Variants in BCAS3 observed in about 807,000 individuals in gnomAD.
The protein encoded by BCAS3 is BCAS4/BCAS3 fusion.
In BCAS3, 53 loss-of-function variants were observed where a neutral mutation model predicts 116.1. The observed-to-expected ratio is 0.46, with a 90% confidence interval of 0.37 to 0.57. BCAS3 has a LOEUF of 0.57. Ranked by LOEUF, BCAS3 falls within the 20% of genes least tolerant of loss-of-function variation. The probability of loss-of-function intolerance (pLI) is 0.00; values close to 1 mark genes in which losing one functional copy is unlikely to be tolerated. For synonymous variants in BCAS3, 391 were observed against 408.2 expected (o/e 0.96, Z 0.51); for missense variants, 917 against 1,165.4 (o/e 0.79, Z 3.10).
intron 8 of BCAS3, among the ~76,000 whole-genome samples, chr17:60,872,444 T>C (rs551760301): frequency 6.6e-6 from 1 of 151,278 alleles, no homozygotes; most frequent in East Asian, 1.9e-4. Context: ...TGTATGTATA[T>C]ATACACATAC....
intron 5 of BCAS3, among the ~76,000 whole-genome samples, chr17:60,743,345 G>C (rs1430860298): frequency 6.6e-6 from 1 of 151,990 alleles, no homozygotes; most frequent in African/African-American, 2.4e-5. Flanking sequence ...CTTGAGTTGG[G>C]ATTATGACTG....
At chr17:60,737,549 T>G (rs2041103748) in intron 5 of BCAS3, among the ~76,000 whole-genome samples, 1 of 152,104 alleles carries the variant, frequency 6.6e-6, no homozygotes, top group Admixed American at 6.5e-5. Flanking sequence ...GATTTCCCTC[T>G]ATGCACTGCT....
At chr17:61,163,728 T>A (rs1475271570) in intron 22 of BCAS3, among the ~76,000 whole-genome samples, 3 of 152,156 alleles carry the variant, frequency 2.0e-5, no homozygotes, top group Non-Finnish European at 4.4e-5. Context: ...GGCTCACGCC[T>A]GTAATCCCAG....
intron 14 of BCAS3, among the ~76,000 whole-genome samples, chr17:60,988,088 T>C (rs1173458665): frequency 6.6e-6 from 1 of 152,130 alleles, no homozygotes; most frequent in East Asian, 1.9e-4. Context: ...AATGATTATA[T>C]GGTTTTTATC....
chr17:60,705,395 A>G (rs1379887184), intron 4 of BCAS3, among the ~76,000 whole-genome samples: 1 of 151,856 alleles, frequency 6.6e-6, no homozygotes, highest in Non-Finnish European at 1.5e-5. Flanking sequence ...GGCGCCTGTA[A>G]TCCCAGCTAC....
chr17:61,183,578 G>A lies in BCAS3; in HGVS notation c.2425+99014G>A, dbSNP rs111410360. On this transcript the variant is annotated intron_variant, in intron 22 of 23. Transcript: ENST00000407086. ...CATGGTGCTAAAGTGCTATGTATCT[G>A]TTGTTCCTAAGCTTTATTTAGGTAA... Among the ~76,000 whole-genome samples, 135 of 152,270 alleles carry A rather than the reference G, an allele frequency of 8.9e-4. 1 individual carries two copies. Among genetic ancestry groups the A allele is most frequent in the South Asian group, 2.3e-3 (11 of 4,824 alleles).
chr17:61,068,703 T>A lies in BCAS3; in HGVS notation c.2030-6217T>A, dbSNP rs1254471990. Among the ~76,000 whole-genome samples, 1 of 152,192 alleles carries A rather than the reference T, an allele frequency of 6.6e-6. No individual in the cohort carries two copies. The highest frequency in any genetic ancestry group is 1.5e-5 in the Non-Finnish European group (1 of 68,042). On this transcript the variant is annotated intron_variant, in intron 19 of 23. Transcript: ENST00000407086. The surrounding 1 kb of genome is among the most constrained non-coding windows in gnomAD (Gnocchi z 4.3). Reference sequence around the variant, plus strand: ...TTCACCGCCATTGGTCCCTAAAACTTCTTCTGGGATTCTGTCGTTTCCCAC... The same window carrying A: ...TTCACCGCCATTGGTCCCTAAAACTACTTCTGGGATTCTGTCGTTTCCCAC...
intron 5 of BCAS3, among the ~76,000 whole-genome samples, chr17:60,731,462 C>A (rs2040447832): frequency 6.6e-6 from 1 of 152,126 alleles, no homozygotes; most frequent in Admixed American, 6.5e-5. Flanking sequence ...ATCTGCCCAC[C>A]TCACCCTCCC....
At position 60,967,949 on chromosome 17, in the gene BCAS3, T is replaced by TTTGTTGTTGTTGTTGTTGTTG. The variant is rs58004084; in HGVS notation, c.1221+20606_1221+20626dup. On this transcript the variant is annotated intron_variant, in intron 14 of 23. Coordinates refer to ENST00000407086, the MANE Select transcript of BCAS3 (RefSeq NM_017679.5). This position sits in a 1 kb window ranked among gnomAD's most constrained non-coding sequence, Gnocchi z 4.7. ...AATTTCTGAATTGCTTTTCTGTGTG[T>TTTGTTGTTGTTGTTGTTGTTG]TTGTTGTTGTTGTTGTTGTTGTTGT... is the stretch of plus-strand genomic sequence containing the variant. 2.0e-4 allele frequency among the ~76,000 whole-genome samples: 30 copies of TTTGTTGTTGTTGTTGTTGTTG among 151,370 alleles called. No individual in the cohort carries two copies. Among genetic ancestry groups the TTTGTTGTTGTTGTTGTTGTTG allele is most frequent in the African/African-American group, 7.1e-4 (29 of 41,040 alleles).
chr17:60,805,893 C>G (rs1274908410), intron 6 of BCAS3, among the ~76,000 whole-genome samples: 3 of 140,936 alleles, frequency 2.1e-5, no homozygotes. Flanking sequence ...GAGCCTTGCT[C>G]TGTCCCTCAG....
intron 2 of BCAS3, among the ~76,000 whole-genome samples, chr17:60,683,549 T>C (rs1323260822): frequency 1.4e-5 from 2 of 140,136 alleles, no homozygotes; most frequent in Non-Finnish European, 3.0e-5. Flanking sequence ...TTTTTTGCCT[T>C]TTTTGAATAT....
chr17:61,312,955 A>G (rs2054438343), intron 22 of BCAS3, among the ~76,000 whole-genome samples: 2 of 152,232 alleles, frequency 1.3e-5, no homozygotes, highest in Non-Finnish European at 2.9e-5. Context: ...ACTCAGTTAG[A>G]AGAAATGTGT....
At position 61,008,539 on chromosome 17, in the gene BCAS3, A is replaced by G. The variant is rs2064878315; in HGVS notation, c.1487-7212A>G. Among the ~76,000 whole-genome samples, 1 of 151,588 alleles carries G rather than the reference A, an allele frequency of 6.6e-6. No individual in the cohort carries two copies. Among genetic ancestry groups the G allele is most frequent in the Non-Finnish European group, 1.5e-5 (1 of 67,980 alleles). On this transcript the variant is annotated intron_variant, in intron 15 of 23. Coordinates refer to ENST00000407086, the MANE Select transcript of BCAS3 (RefSeq NM_017679.5). This position sits in a 1 kb window ranked among gnomAD's most constrained non-coding sequence, Gnocchi z 4.6. ...AAACAAGCTACCATTGTATTCTTTGACAGAGTCAAGAAGTCAGAGCTTTTC... is the reference window on the plus strand; with the variant it reads ...AAACAAGCTACCATTGTATTCTTTGGCAGAGTCAAGAAGTCAGAGCTTTTC...
chr17:61,239,464 G>C lies in BCAS3; in HGVS notation c.2426-128863G>C, dbSNP rs533044884. Among the ~76,000 whole-genome samples the C allele has an allele frequency of 6.6e-6, 1 of 152,276 alleles. No individual in the cohort carries two copies. Among genetic ancestry groups the C allele is most frequent in the Admixed American group, 6.5e-5 (1 of 15,286 alleles). Reference sequence around the variant, plus strand: ...TCTGAAACCTTTGTGAACGCTTTCTGTAACTTATGAAGCTTTTGGAAATTT... The same window carrying C: ...TCTGAAACCTTTGTGAACGCTTTCTCTAACTTATGAAGCTTTTGGAAATTT... On this transcript the variant is annotated intron_variant, in intron 22 of 23. Coordinates refer to ENST00000407086, the MANE Select transcript of BCAS3 (RefSeq NM_017679.5). The surrounding 1 kb of genome is among the most constrained non-coding windows in gnomAD (Gnocchi z 4.2).
chr17:61,121,662 CT>C (rs1402053218), intron 22 of BCAS3, among the ~76,000 whole-genome samples: 1 of 152,142 alleles, frequency 6.6e-6, no homozygotes, highest in Non-Finnish European at 1.5e-5. Context: ...TTTTAATTTT[CT>C]TCTTTAAAGT....
Position 61,210,450 on chromosome 17 carries a change from G to T in BCAS3, c.2425+125886G>T, listed in dbSNP as rs145662401. Among the ~76,000 whole-genome samples, 687 of 152,258 alleles carry T rather than the reference G, an allele frequency of 4.5e-3. 1 individual carries two copies. Among genetic ancestry groups the T allele is most frequent in the South Asian group, 8.5e-3 (41 of 4,824 alleles). The stretch of plus-strand genomic sequence containing the variant: ...GAGATGATATCCAGAACTCCTAAAG[G>T]AGTAAATATTGGAGACAAGACTTGA... On this transcript the variant is annotated intron_variant, in intron 22 of 23. Coordinates refer to ENST00000407086, the MANE Select transcript of BCAS3 (RefSeq NM_017679.5).
In BCAS3 at chr17:61,151,475, CTT is replaced by C. The variant is rs11290646; in HGVS notation, c.2425+66920_2425+66921del. Among the ~76,000 whole-genome samples the C allele has an allele frequency of 6.8e-6, 1 of 146,238 alleles. No individual in the cohort carries two copies. Among genetic ancestry groups the C allele is most frequent in the Non-Finnish European group, 1.5e-5 (1 of 66,018 alleles). On this transcript the variant is annotated intron_variant, in intron 22 of 23. Coordinates refer to ENST00000407086, the MANE Select transcript of BCAS3 (RefSeq NM_017679.5). This position sits in a 1 kb window ranked among gnomAD's most constrained non-coding sequence, Gnocchi z 4.8. ...AAACATCTCTTTCATTCAACGTTTT[CTT>C]TTTTTTTTGAGATAGGGTTTCACTC...
rs1430487350 is a variant in BCAS3 at position 61,045,865 on chromosome 17, A to T, written c.2029+4973A>T. 5.1e-4 allele frequency among the ~76,000 whole-genome samples: 2 copies of T among 3,960 alleles called. 1 individual carries two copies. Among genetic ancestry groups the T allele is most frequent in the African/African-American group, 1.8e-3 (2 of 1,140 alleles). The allele number at this position is 3,960 out of a possible 152,430, so 2.6% of individuals were successfully genotyped here. ...TCTCTCTCTCTATATATATATATAT[A>T]AATATATATAAATATATATTATATA... On this transcript the variant is annotated intron_variant, in intron 19 of 23. Coordinates refer to ENST00000407086, the MANE Select transcript of BCAS3 (RefSeq NM_017679.5).
At chr17:61,166,984 C>A (rs149028340) in intron 22 of BCAS3, among the ~76,000 whole-genome samples, 1 of 152,110 alleles carries the variant, frequency 6.6e-6, no homozygotes, top group African/African-American at 2.4e-5. Flanking sequence ...TGGGCTCAAG[C>A]GATCCTCCCA....
Sources: allele counts gnomAD v4.1 joint callset (sites outside exome capture counted in the v4.1 genomes callset), GRCh38; gene constraint gnomAD v4.1.1; non-coding constraint Gnocchi (gnomAD v3.1); transcripts MANE v1.5; gene names NCBI Gene and HGNC (gene_info 2026-07-23, HGNC 2026-07-21).